The following SPTY2D1 variants were observed in gnomAD, a reference collection of about 807,000 sequenced individuals.
The protein encoded by SPTY2D1 is SPT2 chromatin protein domain containing 1.
In SPTY2D1, 21 loss-of-function variants were observed where a neutral mutation model predicts 64.0. The ratio of observed to expected loss-of-function variants is 0.33; its 90% CI spans 0.23 to 0.47. The LOEUF (loss-of-function observed/expected upper bound fraction) is 0.47, where lower values mean the gene tolerates loss of function less well. Among genes scored for constraint, SPTY2D1 ranks in the 20% least tolerant of loss-of-function variants. SPTY2D1 has a pLI of 1.00. For missense variants in SPTY2D1, 724 were observed against 837.2 expected (o/e 0.86, Z 1.67); for synonymous variants, 287 against 286.8 (o/e 1.00, Z -0.01).
rs2134106898 is a variant in SPTY2D1, at chr11:18,609,046, A to G, written c.*815T>C. The G allele has an allele frequency of 6.6e-6, 1 of 152,586 alleles. No homozygotes were observed. The highest frequency in any genetic ancestry group is 2.1e-4 in the South Asian group (1 of 4,826). 9.5% of individuals were successfully genotyped at this position (152,586 alleles called of 1,614,324 possible). A position where few individuals can be genotyped will look rare whatever the true frequency, so the allele number is the denominator to read the frequency against. On this transcript the variant is annotated 3_prime_UTR_variant, in exon 6 of 6. Transcript: ENST00000336349. ...TATTTTATAAACTATTACTCTTTCA[A>G]ATCTAATGTTTGAATAAAATATTTT...
chr11:18,607,743 T>C lies in SPTY2D1; in HGVS notation c.*2118A>G, dbSNP rs1403868022. The stretch of plus-strand genomic sequence containing the variant: ...TTTTAAATGAGCCACAGAAGTGCTC[T>C]TTTATAATGTTGACGCAAATCAACA... On this transcript the variant is annotated 3_prime_UTR_variant, in exon 6 of 6. Coordinates refer to ENST00000336349, the MANE Select transcript of SPTY2D1 (RefSeq NM_194285.3). 1 of 152,224 alleles carries C rather than the reference T, an allele frequency of 6.6e-6. No individual in the cohort carries two copies. The highest frequency in any genetic ancestry group is 2.4e-5 in the African/African-American group (1 of 41,458). The allele number at this position is 152,224 out of a possible 1,614,324, so 9.4% of individuals were successfully genotyped here. A position where few individuals can be genotyped will look rare whatever the true frequency, so the allele number is the denominator to read the frequency against.
intron 1 of SPTY2D1, among the ~76,000 whole-genome samples, chr11:18,617,441 A>G (rs1301643960): frequency 6.6e-6 from 1 of 152,014 alleles, no homozygotes; most frequent in East Asian, 1.9e-4. Flanking sequence ...CCTGGCCAAC[A>G]TGGTGAAACC....
At chr11:18,613,756 G>C (rs759288503) in intron 3 of SPTY2D1, among the ~76,000 whole-genome samples, 2 of 152,168 alleles carry the variant, frequency 1.3e-5, no homozygotes, top group Non-Finnish European at 2.9e-5. Context: ...CTAGCAGCTA[G>C]CAGGTGCCAC....
At position 18,609,919 on chromosome 11, in the gene SPTY2D1, A is replaced by T; in HGVS notation, c.2000T>A (p.Met667Lys). Residue 667 changes from methionine to lysine, a missense_variant, in exon 6 of 6, where the codon ATG becomes AAG. Met to Lys is a moderately conservative substitution (Grantham distance 95). Coordinates refer to ENST00000336349, the MANE Select transcript of SPTY2D1 (RefSeq NM_194285.3). ...TTGCATTTCTTCTTCTTCACGTCTC[A>T]TTTCCTCTAAGTCCTCTTGCATACC... ...RLGMQEDLEE[M>K]RREEEEMQRR... 1 of 1,614,096 alleles carries T rather than the reference A, an allele frequency of 6.2e-7. No homozygotes were observed. Among genetic ancestry groups the T allele is most frequent in the Non-Finnish European group, 8.5e-7 (1 of 1,180,032 alleles).
At position 18,612,379 on chromosome 11, in the gene SPTY2D1, A is replaced by G. The variant is rs1201570911; in HGVS notation, c.1821T>C (p.Asp607=). 6.2e-7 allele frequency: 1 copy of G among 1,611,748 alleles called. No individual in the cohort carries two copies. The highest frequency in any genetic ancestry group is 8.5e-7 in the Non-Finnish European group (1 of 1,178,654). The part of the protein sequence containing the change: ...YDSEMEDFIE[D]EGEPQEEISK... ...ATATTTCTTCCTGAGGCTCTCCTTCATCTTCAATAAAATCTTCCATTTCAG... is the reference window on the plus strand; with the variant it reads ...ATATTTCTTCCTGAGGCTCTCCTTCGTCTTCAATAAAATCTTCCATTTCAG... Residue 607 remains aspartate, a synonymous_variant, in exon 4 of 6, where the codon GAT becomes GAC. Transcript: ENST00000336349. The surrounding 1 kb of genome is among the most constrained non-coding windows in gnomAD (Gnocchi z 4.6).
chr11:18,609,832 C>A lies in SPTY2D1; in HGVS notation c.*29G>T, dbSNP rs1160625418. 6.2e-7 allele frequency: 1 copy of A among 1,608,686 alleles called. No homozygotes were observed. Among genetic ancestry groups the A allele is most frequent in the Non-Finnish European group, 8.5e-7 (1 of 1,175,708 alleles). On this transcript the variant is annotated 3_prime_UTR_variant, in exon 6 of 6. Coordinates refer to ENST00000336349, the MANE Select transcript of SPTY2D1 (RefSeq NM_194285.3). Reference sequence around the variant, plus strand: ...AGGAAATCCTTGCAGCAGAGCAGCTCTAGAATTTCACAAAAATAAAAGCAG... The same window carrying A: ...AGGAAATCCTTGCAGCAGAGCAGCTATAGAATTTCACAAAAATAAAAGCAG...
chr11:18,615,927 C>T lies in SPTY2D1; in HGVS notation c.347G>A (p.Ser116Asn). 1 of 1,614,100 alleles carries T rather than the reference C, an allele frequency of 6.2e-7. No homozygotes were observed. The highest frequency in any genetic ancestry group is 8.5e-7 in the Non-Finnish European group (1 of 1,180,010). ...TTCATACTCTCGGTCGGTTCCTTGG[C>T]TGGTATGGCTTTCTGTTGCCTGCCT... Reference protein sequence around the residue: ...KKRQATESHTSQGTDREYEME... With the variant: ...KKRQATESHTNQGTDREYEME... The change falls in exon 3 of 6, where the codon AGC (serine) becomes AAC (asparagine). Residue 116 changes from serine to asparagine, a missense_variant. Physicochemically the swap from Ser to Asn is conservative, Grantham distance 46. Around this residue, in one of 3 missense-constraint regions of SPTY2D1, gnomAD observed 179 missense variants for 232.5 expected, o/e 0.77. Coordinates refer to ENST00000336349, the MANE Select transcript of SPTY2D1 (RefSeq NM_194285.3).
chr11:18,628,752 C>A (rs769029855), intron 1 of SPTY2D1, among the ~76,000 whole-genome samples: 3 of 152,156 alleles, frequency 2.0e-5, no homozygotes, highest in Non-Finnish European at 2.9e-5. Flanking sequence ...GGGAGCAATC[C>A]AGTTACAATC....
intron 1 of SPTY2D1, among the ~76,000 whole-genome samples, chr11:18,631,314 C>G (rs1246821916): frequency 6.6e-6 from 1 of 152,280 alleles, no homozygotes; most frequent in Middle Eastern, 3.4e-3. Flanking sequence ...TGGTTCACAC[C>G]TGTACTCACA....
At chr11:18,622,451 C>T (rs1286581905) in intron 1 of SPTY2D1, among the ~76,000 whole-genome samples, 14 of 151,328 alleles carry the variant, frequency 9.3e-5, no homozygotes, top group Admixed American at 9.2e-4. Flanking sequence ...GGCTTCCGCC[C>T]AGGAGGTGGA....
intron 1 of SPTY2D1, among the ~76,000 whole-genome samples, chr11:18,633,774 G>A (rs867373196): frequency 9.9e-5 from 15 of 152,262 alleles, no homozygotes; most frequent in African/African-American, 3.1e-4. Flanking sequence ...TGAGAAGCCA[G>A]CCAAAAAGCT....
chr11:18,616,292 G>A (rs1854299353), intron 2 of SPTY2D1, among the ~76,000 whole-genome samples, 194 bp from the exon 3 acceptor site: 2 of 152,282 alleles, frequency 1.3e-5, no homozygotes, highest in South Asian at 2.1e-4. Flanking sequence ...ATATGACTAA[G>A]CAAGTGGGAG....
At chr11:18,623,835 A>G (rs1235458266) in intron 1 of SPTY2D1, among the ~76,000 whole-genome samples, 1 of 152,164 alleles carries the variant, frequency 6.6e-6, no homozygotes, top group Non-Finnish European at 1.5e-5. Flanking sequence ...GGCTTCTTTC[A>G]CTTAGCATGT....
chr11:18,633,064 T>C (rs952901396), intron 1 of SPTY2D1, among the ~76,000 whole-genome samples: 4 of 152,174 alleles, frequency 2.6e-5, no homozygotes, highest in Non-Finnish European at 5.9e-5. Context: ...CTTAGAGGAA[T>C]GGTTATTCAG....
intron 1 of SPTY2D1, among the ~76,000 whole-genome samples, chr11:18,621,430 G>C (rs756437847): frequency 6.6e-6 from 1 of 151,990 alleles, no homozygotes; most frequent in Non-Finnish European, 1.5e-5. Flanking sequence ...AAGGAAGGTG[G>C]TGTTCAGGAA....
intron 3 of SPTY2D1, among the ~76,000 whole-genome samples, chr11:18,613,229 A>T (rs1413193831): frequency 6.6e-6 from 1 of 152,256 alleles, no homozygotes; most frequent in African/African-American, 2.4e-5. Context: ...TATATTGTTC[A>T]AACTGAGTAA....
chr11:18,630,360 A>G (rs1395811921), intron 1 of SPTY2D1, among the ~76,000 whole-genome samples: 6 of 152,122 alleles, frequency 3.9e-5, no homozygotes, highest in Non-Finnish European at 8.8e-5. Flanking sequence ...CTGTAATCCC[A>G]GCTACTTGGG....
chr11:18,622,354 A>G (rs1452530910), intron 1 of SPTY2D1, among the ~76,000 whole-genome samples: 2 of 151,430 alleles, frequency 1.3e-5, no homozygotes, highest in Non-Finnish European at 2.9e-5. Flanking sequence ...GCATAATGAG[A>G]CCCCCATCTC....
rs141007173 is a variant in SPTY2D1 at position 18,610,078 on chromosome 11, G to A, written c.1965-124C>T. 7.6e-3 allele frequency: 5,699 copies of A among 753,326 alleles called. 41 individuals carry two copies. The highest frequency in any genetic ancestry group is 8.6e-3 in the Non-Finnish European group (4,089 of 476,016). 46.7% of individuals were successfully genotyped at this position (753,326 alleles called of 1,614,324 possible). A position where few individuals can be genotyped will look rare whatever the true frequency, so the allele number is the denominator to read the frequency against. On this transcript the variant is annotated intron_variant, in intron 5 of 5. Transcript: ENST00000336349. ...GCTGATGCTCTCAAAATGCCTCAAG[G>A]CTTTACCACTGAAAACAAACTAGCA...
Sources: gnomAD v4.1 joint callset for allele counts (sites outside exome capture counted in the v4.1 genomes callset) on GRCh38, gnomAD v4.1.1 for gene constraint, gnomAD v4.1.1 regional missense constraint, Gnocchi (gnomAD v3.1) non-coding constraint, MANE v1.5 for transcripts, NCBI Gene and HGNC (gene_info 2026-07-23, HGNC 2026-07-21) for gene names.